PPP2R2C: variants seen among roughly 807,000 people sequenced by gnomAD.
PPP2R2C encodes protein phosphatase 2 regulatory subunit Bgamma.
Under a neutral mutation model 45.3 loss-of-function variants are expected in PPP2R2C, and 10 were observed. The observed-to-expected ratio is 0.22, with a 90% CI of 0.14 to 0.37. The LOEUF (loss-of-function observed/expected upper bound fraction) is 0.37, where lower values mean the gene tolerates loss of function less well. Among genes scored for constraint, PPP2R2C ranks in the 10% least tolerant of loss-of-function variants. PPP2R2C has a pLI of 1.00. For synonymous variants in PPP2R2C, 257 were observed against 245.4 expected (o/e 1.05, Z -0.44); for missense variants, 308 against 619.7 (o/e 0.50, Z 5.34).
At chr4:6,480,675 A>T (rs754843077) in intron 2 of PPP2R2C, among the ~76,000 whole-genome samples, 15 of 152,176 alleles carry the variant, frequency 9.9e-5, no homozygotes, top group Non-Finnish European at 1.9e-4. Context: ...CCTAGGATGG[A>T]CAGGTGGAGG....
chr4:6,425,244 A>G (rs977756730), intron 1 of PPP2R2C, among the ~76,000 whole-genome samples: 1 of 152,122 alleles, frequency 6.6e-6, no homozygotes, highest in African/African-American at 2.4e-5. Flanking sequence ...CCCTCCCACA[A>G]GGCTGTGCAC....
Position 6,351,827 on chromosome 4 carries a change from C to T in PPP2R2C, c.626-3817G>A, listed in dbSNP as rs1019769531. Among the ~76,000 whole-genome samples, 5 of 152,280 alleles carry T rather than the reference C, an allele frequency of 3.3e-5. No individual in the cohort carries two copies. The East Asian group carries it at 5.8e-4, about 18-fold the overall frequency. ...ACAGCACCCTTCACGGTGTGGGCAC[C>T]GGGCTGGGTCCATGGTCACCTGGTC... On this transcript the variant is annotated intron_variant, in intron 5 of 8. Coordinates refer to ENST00000382599, the MANE Select transcript of PPP2R2C (RefSeq NM_020416.4).
chr4:6,365,311 C>T lies in PPP2R2C; in HGVS notation c.625+7212G>A, dbSNP rs918608634. On this transcript the variant is annotated intron_variant, in intron 5 of 8. Coordinates refer to ENST00000382599, the MANE Select transcript of PPP2R2C (RefSeq NM_020416.4). ...TGGTATGTATCTGACATGCCGTGAA[C>T]AGAGCATTTCTGAGCAGGGCATCCC... Among the ~76,000 whole-genome samples, 5 of 152,322 alleles carry T rather than the reference C, an allele frequency of 3.3e-5. No individual in the cohort carries two copies. In the East Asian group the frequency reaches 9.7e-4, roughly 29 times the overall value.
At chr4:6,335,184 C>G (rs931011355) in intron 6 of PPP2R2C, among the ~76,000 whole-genome samples, 4 of 152,194 alleles carry the variant, frequency 2.6e-5, no homozygotes, top group African/African-American at 9.7e-5. Context: ...CCTGTGCAGC[C>G]AACATTCTCC....
intron 1 of PPP2R2C, among the ~76,000 whole-genome samples, chr4:6,437,837 T>G (rs1424915156): frequency 1.3e-5 from 2 of 152,222 alleles, no homozygotes. Context: ...TCAACACCCC[T>G]GTGTAGATGC....
intron 2 of PPP2R2C, among the ~76,000 whole-genome samples, chr4:6,498,067 C>G (rs1279008709): frequency 6.6e-6 from 1 of 152,194 alleles, no homozygotes; most frequent in Non-Finnish European, 1.5e-5. Flanking sequence ...CAATTTCTCT[C>G]CAGTAAACAC....
Position 6,323,515 on chromosome 4 carries a change from G to A in PPP2R2C, c.1131C>T (p.Ala377=), listed in dbSNP as rs181812477. 7 of 1,604,996 alleles carry A rather than the reference G, an allele frequency of 4.4e-6. No homozygotes were observed. The East Asian group carries it at 1.6e-4, about 36-fold the overall frequency. ...RNTKRDVTLE[A]SRESSKPRAV... ...CCCGGGGCTTGCTGCTTTCCCTCGA[G>A]GCCTCCAGGGTCACGTCCCGCTTGG... is the stretch of plus-strand genomic sequence containing the variant. The change falls in exon 9 of 9, where the codon GCC becomes GCT. Residue 377 remains alanine, a synonymous_variant. Transcript: ENST00000382599.
intron 1 of PPP2R2C, among the ~76,000 whole-genome samples, chr4:6,541,027 C>T (rs954630511): frequency 6.6e-6 from 1 of 152,148 alleles, no homozygotes; most frequent in Non-Finnish European, 1.5e-5. Context: ...TACAAAATGG[C>T]TGCCATTGCT....
At chr4:6,437,790 C>T (rs1387363925) in intron 1 of PPP2R2C, among the ~76,000 whole-genome samples, 1 of 152,326 alleles carries the variant, frequency 6.6e-6, no homozygotes, top group East Asian at 1.9e-4. Context: ...ACACTGTCTC[C>T]ACTGTGTGTT....
intron 1 of PPP2R2C, among the ~76,000 whole-genome samples, chr4:6,555,367 G>A (rs896978074): frequency 6.6e-6 from 1 of 152,160 alleles, no homozygotes; most frequent in African/African-American, 2.4e-5. Flanking sequence ...ATTCTCTAAG[G>A]TACCCCACTT....
intron 1 of PPP2R2C, among the ~76,000 whole-genome samples, chr4:6,391,942 C>T (rs557877558): frequency 4.6e-5 from 7 of 152,314 alleles, no homozygotes; most frequent in South Asian, 2.1e-4. Context: ...GAGACAGATA[C>T]GGGAACACAC....
intron 1 of PPP2R2C, among the ~76,000 whole-genome samples, chr4:6,561,919 G>A (rs774036376): frequency 2.6e-5 from 4 of 152,210 alleles, no homozygotes; most frequent in African/African-American, 7.2e-5. Context: ...CTCACTAATC[G>A]ACAGTCAACA....
rs370316633 is a variant in PPP2R2C, at chr4:6,462,332, G to A, written c.70+9828C>T. On this transcript the variant is annotated intron_variant, in intron 1 of 8. Transcript: ENST00000382599. ...TCTACTAAAAATACAAAAATTAGTC[G>A]GGCGTGGTGGTGGGCACCTGTATGT... Among the ~76,000 whole-genome samples the A allele has an allele frequency of 1.4e-3, 212 of 152,240 alleles. 1 individual carries two copies. Among genetic ancestry groups the A allele is most frequent in the East Asian group, 5.4e-3 (28 of 5,176 alleles).
intron 1 of PPP2R2C, among the ~76,000 whole-genome samples, chr4:6,398,873 A>G (rs1717228481): frequency 6.6e-6 from 1 of 152,214 alleles, no homozygotes; most frequent in South Asian, 2.1e-4. Context: ...GAATAAATAA[A>G]TCATGGCATA....
At chr4:6,505,821 C>A (rs1723208224) in intron 2 of PPP2R2C, among the ~76,000 whole-genome samples, 1 of 152,014 alleles carries the variant, frequency 6.6e-6, no homozygotes, top group Non-Finnish European at 1.5e-5. Context: ...CAAAAATTAG[C>A]TGGGCGTGGT....
In PPP2R2C at chr4:6,529,785, G is replaced by GA. The variant is rs565135010; in HGVS notation, c.49+5485_49+5486insT. On this transcript the variant is annotated intron_variant, in intron 2 of 9. Transcript: ENST00000506140. ...ACCCAGGGCTGGGTACACAGCAGAT[G>GA]CTCAATAAATGTATGTGAAATGAAG... Among the ~76,000 whole-genome samples the GA allele has an allele frequency of 2.8e-3, 425 of 152,326 alleles. 2 individuals carry two copies. Among genetic ancestry groups the GA allele is most frequent in the Non-Finnish European group, 2.7e-3 (186 of 68,028 alleles).
At chr4:6,389,282 G>A (rs1194743102) in intron 1 of PPP2R2C, among the ~76,000 whole-genome samples, 1 of 152,184 alleles carries the variant, frequency 6.6e-6, no homozygotes, top group African/African-American at 2.4e-5. Context: ...TGCTCGTCAC[G>A]GACTTCCTCC....
intron 1 of PPP2R2C, among the ~76,000 whole-genome samples, chr4:6,433,245 G>C (rs1210951788): frequency 6.6e-6 from 1 of 152,120 alleles, no homozygotes; most frequent in Non-Finnish European, 1.5e-5. Flanking sequence ...ATGGCTCTCT[G>C]TGCACAGCTG....
intron 1 of PPP2R2C, among the ~76,000 whole-genome samples, chr4:6,542,734 T>C (rs193194808): frequency 1.2e-3 from 100 of 85,918 alleles, no homozygotes; most frequent in Non-Finnish European, 2.3e-3. Flanking sequence ...AAAAAGATCA[T>C]GCTAGATTAC....
Sources: allele counts gnomAD v4.1 joint callset (sites outside exome capture counted in the v4.1 genomes callset), GRCh38; gene constraint gnomAD v4.1.1; transcripts MANE v1.5; gene names NCBI Gene and HGNC (gene_info 2026-07-23, HGNC 2026-07-21).